Variants in FRMD4A observed in about 807,000 individuals in gnomAD.
FRMD4A encodes FERM domain-containing protein 4A.
Under a neutral mutation model 129.1 loss-of-function variants are expected in FRMD4A, and 29 were observed. The observed-to-expected ratio is 0.22, with a 90% CI of 0.17 to 0.31. The LOEUF is 0.31. Among genes scored for constraint, FRMD4A ranks in the 10% least tolerant of loss-of-function variants. FRMD4A has a pLI of 1.00. For synonymous variants in FRMD4A, 634 were observed against 571.6 expected (o/e 1.11, Z -1.56); for missense variants, 1,272 against 1,375.8 (o/e 0.92, Z 1.19).
intron 3 of FRMD4A, among the ~76,000 whole-genome samples, chr10:13,822,283 A>T (rs1038643519): frequency 4.6e-5 from 7 of 152,252 alleles, no homozygotes; most frequent in Non-Finnish European, 1.5e-5. Flanking sequence ...TACAATAACC[A>T]CGATGTACAA....
rs560725501 is a variant in FRMD4A at position 13,940,295 on chromosome 10, C to T, written c.46-81383G>A. 2.6e-5 allele frequency among the ~76,000 whole-genome samples: 4 copies of T among 152,152 alleles called. No individual in the cohort carries two copies. The East Asian group carries it at 7.8e-4, about 30-fold the overall frequency. ...CCATGGGCAGTCAACTTCTTCAAGG[C>T]CTGTGGTCAAATCCAGCCCTCCTCA... On this transcript the variant is annotated intron_variant, in intron 2 of 24. Coordinates refer to ENST00000357447, the MANE Select transcript of FRMD4A (RefSeq NM_018027.5).
At chr10:13,968,565 G>A (rs985316951) in intron 2 of FRMD4A, among the ~76,000 whole-genome samples, 2 of 152,146 alleles carry the variant, frequency 1.3e-5, no homozygotes, top group East Asian at 1.9e-4. Flanking sequence ...CGATTCTCCC[G>A]CCTCAGCCTC....
In FRMD4A at chr10:14,120,706, T is replaced by A. The variant is rs550301795; in HGVS notation, c.45+209352A>T. 5.3e-5 allele frequency among the ~76,000 whole-genome samples: 8 copies of A among 152,300 alleles called. No individual in the cohort carries two copies. In the South Asian group the frequency reaches 6.2e-4, roughly 12 times the overall value. On this transcript the variant is annotated intron_variant, in intron 2 of 24. Transcript: ENST00000357447. The stretch of plus-strand genomic sequence containing the variant: ...AAACCTGGGATCACTTCTAGTTTTT[T>A]GGGGAGCAGAGCCCTCCCTGCTGCT...
chr10:13,801,435 G>T (rs2093252404), intron 4 of FRMD4A, among the ~76,000 whole-genome samples: 1 of 152,228 alleles, frequency 6.6e-6, no homozygotes, highest in Non-Finnish European at 1.5e-5. Flanking sequence ...ACGATGCATG[G>T]CCTTGCGTAG....
chr10:13,870,272 G>GACGAC (rs1166006304), intron 2 of FRMD4A, among the ~76,000 whole-genome samples: 7 of 152,228 alleles, frequency 4.6e-5, no homozygotes, highest in African/African-American at 1.7e-4. Flanking sequence ...ATCTGTGAAA[G>GACGAC]ACGACTGTCT....
chr10:14,322,732 C>G (rs1010048063), intron 2 of FRMD4A, among the ~76,000 whole-genome samples: 14 of 152,326 alleles, frequency 9.2e-5, no homozygotes, highest in African/African-American at 3.4e-4. Context: ...ACCACATGGT[C>G]TTGGTAGAGC....
intron 2 of FRMD4A, among the ~76,000 whole-genome samples, chr10:14,287,367 C>T (rs112542133): frequency 1.5e-3 from 228 of 152,298 alleles, no homozygotes; most frequent in African/African-American, 5.1e-3. Flanking sequence ...CTTTTTGTAT[C>T]CTCTCATGTT....
chr10:14,223,515 G>C (rs1008887429), intron 2 of FRMD4A, among the ~76,000 whole-genome samples: 2 of 152,092 alleles, frequency 1.3e-5, no homozygotes, highest in African/African-American at 4.8e-5. Context: ...GTCAAGGCAG[G>C]AGGATCACTT....
intron 2 of FRMD4A, among the ~76,000 whole-genome samples, chr10:13,923,538 T>C (rs72774641): frequency 0.1 from 15,619 of 152,298 alleles, 1,181 homozygotes; most frequent in Non-Finnish European, 0.14. Context: ...ATCATGTATA[T>C]GCTATGATAC....
chr10:13,684,603 A>G, intron 15 of FRMD4A: 3 of 985,410 alleles, frequency 3.0e-6, no homozygotes, highest in Non-Finnish European at 3.6e-6. Context: ...AAATGCTCCA[A>G]TTGTTCAGAA....
intron 24 of FRMD4A, chr10:13,648,122 T>TA (rs931375550): frequency 4.6e-5 from 7 of 152,228 alleles, no homozygotes; most frequent in African/African-American, 9.6e-5. Flanking sequence ...CATCTGGCCT[T>TA]AAAATCCATG....
In FRMD4A at chr10:13,779,245, G is replaced by A. The variant is rs139488908; in HGVS notation, c.384+3677C>T. Among the ~76,000 whole-genome samples, 3 of 152,030 alleles carry A rather than the reference G, an allele frequency of 2.0e-5. No homozygotes were observed. In the East Asian group the frequency reaches 5.8e-4, roughly 29 times the overall value. On this transcript the variant is annotated intron_variant, in intron 6 of 24. Coordinates refer to ENST00000357447, the MANE Select transcript of FRMD4A (RefSeq NM_018027.5). ...GGCAGAGAATCGCTTGAACCCAGGA[G>A]GCAGAGGTTGCAGTGAGCCGAGATT...
rs1218381 is a variant in FRMD4A at position 14,246,182 on chromosome 10, C to G, written c.45+83876G>C. On this transcript the variant is annotated intron_variant, in intron 2 of 24. Coordinates refer to ENST00000357447, the MANE Select transcript of FRMD4A (RefSeq NM_018027.5). ...ATGCTTGGTTTCTTGTTGAATCAAC[C>G]CAGATTTCTCAGGTCCAATTAAAGA... 9.6e-3 allele frequency among the ~76,000 whole-genome samples: 1,466 copies of G among 152,244 alleles called. 30 individuals carry two copies. Among genetic ancestry groups the G allele is most frequent in the African/African-American group, 0.034 (1,411 of 41,530 alleles).
intron 2 of FRMD4A, among the ~76,000 whole-genome samples, chr10:13,987,813 T>G (rs1372335134): frequency 6.6e-6 from 1 of 152,210 alleles, no homozygotes; most frequent in Non-Finnish European, 1.5e-5. Context: ...TCGTACAATT[T>G]AACAGAACAA....
At chr10:13,761,971 T>C (rs2092092928) in intron 7 of FRMD4A, among the ~76,000 whole-genome samples, 1 of 152,262 alleles carries the variant, frequency 6.6e-6, no homozygotes, top group African/African-American at 2.4e-5. Context: ...ATTCTAAATA[T>C]GAACATGTAT....
At chr10:13,883,261 G>A (rs919466920) in intron 2 of FRMD4A, among the ~76,000 whole-genome samples, 71 of 152,062 alleles carry the variant, frequency 4.7e-4, no homozygotes, top group East Asian at 1.9e-4. Context: ...AGGCTGAGGC[G>A]GGTGGATTAC....
chr10:14,303,462 A>G (rs1846251801), intron 2 of FRMD4A, among the ~76,000 whole-genome samples: 1 of 152,194 alleles, frequency 6.6e-6, no homozygotes. Context: ...TGGGTGTGTA[A>G]TAGTTATAAT....
chr10:13,672,688 C>A (rs1325494108), intron 16 of FRMD4A, among the ~76,000 whole-genome samples: 1 of 151,478 alleles, frequency 6.6e-6, no homozygotes, highest in African/African-American at 2.4e-5. Context: ...TTGGTGCCTC[C>A]CTATATCCTG....
At chr10:13,708,491 C>T (rs760936269) in intron 12 of FRMD4A, among the ~76,000 whole-genome samples, 24 of 152,224 alleles carry the variant, frequency 1.6e-4, no homozygotes, top group Non-Finnish European at 3.1e-4. Context: ...AGGAGAATAT[C>T]TATTATCTCT....
Sources: allele counts gnomAD v4.1 joint callset (sites outside exome capture counted in the v4.1 genomes callset), GRCh38; gene constraint gnomAD v4.1.1; transcripts MANE v1.5; gene names NCBI Gene and HGNC (gene_info 2026-07-23, HGNC 2026-07-21).